Variants in MYO18A observed in about 807,000 individuals in gnomAD.
MYO18A encodes unconventional myosin-XVIIIa.
Under a neutral mutation model 235.8 loss-of-function variants are expected in MYO18A, and 78 were observed. That is an observed-to-expected ratio of 0.33 (90% CI 0.28 to 0.40). The LOEUF (loss-of-function observed/expected upper bound fraction) is 0.40, where lower values mean the gene tolerates loss of function less well. Ranked by LOEUF, MYO18A falls within the 10% of genes least tolerant of loss-of-function variation. The probability of loss-of-function intolerance (pLI) is 1.00; values close to 1 mark genes in which losing one functional copy is unlikely to be tolerated. For synonymous variants in MYO18A, 977 were observed against 1,077.8 expected, an observed-to-expected ratio of 0.91 and a Z score of 1.83; for missense variants, 2,215 against 2,699.3, an observed-to-expected ratio of 0.82 and a Z score of 3.98.
chr17:29,120,609 C>T lies in MYO18A; in HGVS notation c.1728+7G>A, dbSNP rs761087598. Reference sequence around the variant, plus strand: ...CTACTACCCCGAGTCCTGGGCAGCACTCTCACCTGAATGGAGGCTGAGGCC... The same window carrying T: ...CTACTACCCCGAGTCCTGGGCAGCATTCTCACCTGAATGGAGGCTGAGGCC... On this transcript the variant is annotated splice_region_variant and intron_variant, in intron 7 of 41. Transcript: ENST00000527372. This position sits in a 1 kb window ranked among gnomAD's most constrained non-coding sequence, Gnocchi z 4.2. The T allele has an allele frequency of 1.2e-6, 2 of 1,612,678 alleles. No individual in the cohort carries two copies. Among genetic ancestry groups the T allele is most frequent in the Non-Finnish European group, 1.7e-6 (2 of 1,179,236 alleles).
intron 1 of MYO18A, among the ~76,000 whole-genome samples, chr17:29,172,421 T>A (rs543067315): frequency 6.6e-6 from 1 of 151,104 alleles, no homozygotes; most frequent in African/African-American, 2.4e-5. Flanking sequence ...GCCGAGATCA[T>A]GCCACTGCAC....
chr17:29,119,524 C>T (rs967690786), intron 7 of MYO18A, 89 bp from the exon 8 acceptor site: 2 of 844,328 alleles, frequency 2.4e-6, no homozygotes, highest in Non-Finnish European at 3.6e-6. Context: ...AACACATGGT[C>T]CTCTAGGCCC....
chr17:29,130,472 T>A (rs2067440451), intron 2 of MYO18A, among the ~76,000 whole-genome samples: 2 of 76,784 alleles, frequency 2.6e-5, no homozygotes, highest in African/African-American at 6.4e-5. Context: ...CTGAGGCCTC[T>A]CCCACACACA....
chr17:29,135,243 G>A (rs2067569313), intron 2 of MYO18A, among the ~76,000 whole-genome samples: 1 of 152,022 alleles, frequency 6.6e-6, no homozygotes, highest in South Asian at 2.1e-4. Context: ...TGGGACTACA[G>A]GTGTCCACCA....
rs751839456 is a variant in MYO18A at position 29,092,414 on chromosome 17, G to A, written c.5116C>T (p.Arg1706Trp). The A allele has an allele frequency of 1.9e-6, 3 of 1,612,514 alleles. No homozygotes were observed. Among genetic ancestry groups the A allele is most frequent in the African/African-American group, 1.3e-5 (1 of 74,922 alleles). ...EFTCAAAVKA[R>W]KAMEVEIEDL... ...TCGATCTCCACCTCCATTGCTTTCC[G>A]TGCTTTCACGGCTGCCGCACAGGTG... The change falls in exon 34 of 42, where the codon CGG (arginine) becomes TGG (tryptophan). Residue 1706 changes from arginine (R) to tryptophan (W), a missense_variant. Physicochemically the swap from Arg to Trp is moderately radical, Grantham distance 101. Transcript: ENST00000527372.
intron 21 of MYO18A, among the ~76,000 whole-genome samples, chr17:29,103,055 G>A (rs1462025322): frequency 2.0e-5 from 3 of 152,256 alleles, no homozygotes; most frequent in Admixed American, 2.0e-4. Flanking sequence ...TGACGTGGCA[G>A]ACTGGCACCC....
chr17:29,166,232 G>A lies in MYO18A; in HGVS notation c.709C>T (p.Arg237Cys), dbSNP rs1201893991. 1.2e-6 allele frequency: 2 copies of A among 1,612,742 alleles called. No individual in the cohort carries two copies. The highest frequency in any genetic ancestry group is 1.7e-5 in the Admixed American group (1 of 60,014). ...PTGDFGFSLR[R>C]TTMLDRGPEG... ...GGGCCCCGATCCAGCATGGTTGTGC[G>A]CCGCAGGGAGAAGCCAAAGTCTCCA... The change falls in exon 2 of 42, where the codon CGC (arginine) becomes TGC (cysteine). Residue 237 changes from arginine (R) to cysteine (C), a missense_variant. Transcript: ENST00000527372.
rs2066940922 is a variant in MYO18A at position 29,111,984 on chromosome 17, C to T, written c.2599-121G>A. 19 of 1,257,262 alleles carry T rather than the reference C, an allele frequency of 1.5e-5. No homozygotes were observed. Among genetic ancestry groups the T allele is most frequent in the Non-Finnish European group, 1.7e-5 (16 of 918,118 alleles). 77.9% of individuals were successfully genotyped at this position (1,257,262 alleles called of 1,614,324 possible). ...ACATGTGCACACATGCACACACGCA[C>T]ATGCCGCAGCTCCTGCCGCTCACTG... On this transcript the variant is annotated intron_variant, in intron 15 of 41. Coordinates refer to ENST00000527372, the MANE Select transcript of MYO18A (RefSeq NM_078471.4). The surrounding 1 kb of genome is among the most constrained non-coding windows in gnomAD (Gnocchi z 5.1).
intron 12 of MYO18A, 78 bp downstream of exon 12, chr17:29,115,586 C>G (rs748203868): frequency 4.7e-6 from 7 of 1,493,278 alleles, no homozygotes; most frequent in Non-Finnish European, 6.3e-6. Context: ...TCCAGCAGTC[C>G]CCTCCCGCCC....
In MYO18A at chr17:29,094,024, G is replaced by T. The variant is rs755920706; in HGVS notation, c.4777C>A (p.Arg1593=). 2.4e-5 allele frequency: 38 copies of T among 1,612,042 alleles called. No homozygotes were observed. Among genetic ancestry groups the T allele is most frequent in the Non-Finnish European group, 2.9e-5 (34 of 1,179,342 alleles). Residue 1593 remains arginine, a synonymous_variant, in exon 31 of 42, where the codon CGG becomes AGG. Coordinates refer to ENST00000527372, the MANE Select transcript of MYO18A (RefSeq NM_078471.4). ...CGGGCCTCCTCCACCTCCTCATCCC[G>T]ACTCTCCATCTCCTTAGAATGGGTC... ...RQTHSKEMES[R]DEEVEEARQS...
At chr17:29,170,285 C>T (rs1482692160) in intron 1 of MYO18A, among the ~76,000 whole-genome samples, 1 of 152,334 alleles carries the variant, frequency 6.6e-6, no homozygotes, top group East Asian at 1.9e-4. Context: ...ATCTTCACAG[C>T]TCACAAGGCA....
Position 29,120,908 on chromosome 17 carries a change from G to A in MYO18A, c.1585+90C>T, listed in dbSNP as rs2067182003. ...GTTTCGGGGGGATGGAAAGGCCAGGGAGAAAAAGAGCTGGCACTTAAGAGG... is the reference window on the plus strand; with the variant it reads ...GTTTCGGGGGGATGGAAAGGCCAGGAAGAAAAAGAGCTGGCACTTAAGAGG... On this transcript the variant is annotated intron_variant, in intron 6 of 41. Transcript: ENST00000527372. The surrounding 1 kb of genome is among the most constrained non-coding windows in gnomAD (Gnocchi z 4.2). 7.1e-6 allele frequency: 11 copies of A among 1,558,912 alleles called. No homozygotes were observed. In the South Asian group the frequency reaches 1.1e-4, roughly 15 times the overall value.
At chr17:29,168,987 T>C (rs1395987910) in intron 1 of MYO18A, among the ~76,000 whole-genome samples, 1 of 151,846 alleles carries the variant, frequency 6.6e-6, no homozygotes, top group African/African-American at 2.4e-5. Flanking sequence ...CTGGCCAACA[T>C]AGTAAAACCC....
rs764016874 is a variant in MYO18A at position 29,092,819 on chromosome 17, T to C, written c.5073+36A>G. 1.1e-5 allele frequency: 17 copies of C among 1,610,530 alleles called. No homozygotes were observed. In the Admixed American group the frequency reaches 2.8e-4, roughly 27 times the overall value. On this transcript the variant is annotated intron_variant, in intron 33 of 41. Transcript: ENST00000527372. ...AAAGAGAATGGAAAGGTAAGCTCTG[T>C]TGTGCCTGGATCAGCCGTGTGCTCT...
At position 29,115,800 on chromosome 17, in the gene MYO18A, C is replaced by T; in HGVS notation, c.2091G>A (p.Lys697=). Residue 697 remains lysine (K), a synonymous_variant, in exon 12 of 42, where the codon AAG becomes AAA. Coordinates refer to ENST00000527372, the MANE Select transcript of MYO18A (RefSeq NM_078471.4). ...KQFARHEWAQ[K]AAYLLGCSLE... is the part of the protein sequence containing the mutation. ...GGCTGCAGCCCAGTAGGTACGCAGCCTTCTGGGCCCACTCATGGCGGGCAA... is the reference window on the plus strand; with the variant it reads ...GGCTGCAGCCCAGTAGGTACGCAGCTTTCTGGGCCCACTCATGGCGGGCAA... 3.8e-6 allele frequency: 6 copies of T among 1,590,722 alleles called. No homozygotes were observed. Among genetic ancestry groups the T allele is most frequent in the Non-Finnish European group, 5.1e-6 (6 of 1,168,474 alleles).
At position 29,073,877 on chromosome 17, in the gene MYO18A, T is replaced by C. The variant is rs1305812924; in HGVS notation, c.*893A>G. On this transcript the variant is annotated 3_prime_UTR_variant, in exon 42 of 42. Transcript: ENST00000527372. ...TCAACCCCAAGCCTTCCCTCTCAAG[T>C]TGAGTTTATGGTCCAGACCACCTGG... 2.5e-6 allele frequency: 4 copies of C among 1,594,454 alleles called. No individual in the cohort carries two copies. Among genetic ancestry groups the C allele is most frequent in the Middle Eastern group, 1.7e-4 (1 of 6,014 alleles).
At chr17:29,083,945 A>G (rs1167971299) in intron 40 of MYO18A, among the ~76,000 whole-genome samples, 4 of 152,242 alleles carry the variant, frequency 2.6e-5, no homozygotes, top group African/African-American at 9.6e-5. Flanking sequence ...AAGCGTTTCC[A>G]TATAAATCTC....
chr17:29,179,438 G>A (rs202093029), intron 1 of MYO18A, among the ~76,000 whole-genome samples: 1 of 152,226 alleles, frequency 6.6e-6, no homozygotes, highest in Non-Finnish European at 1.5e-5. Flanking sequence ...ACTCCTGGCC[G>A]GGTTTGGGAC....
intron 2 of MYO18A, among the ~76,000 whole-genome samples, chr17:29,142,183 T>A (rs1312969898): frequency 6.6e-6 from 1 of 152,172 alleles, no homozygotes. Context: ...CCGCCCGCCT[T>A]GGCCTCCCAG....
Sources: gnomAD v4.1 joint callset for allele counts (sites outside exome capture counted in the v4.1 genomes callset) on GRCh38, gnomAD v4.1.1 for gene constraint, Gnocchi (gnomAD v3.1) non-coding constraint, MANE v1.5 for transcripts, NCBI Gene and HGNC (gene_info 2026-07-23, HGNC 2026-07-21) for gene names.